The following UGT1A7 variants were observed in gnomAD, a reference collection of about 807,000 sequenced individuals.
The protein encoded by UGT1A7 is UDP-glucuronosyltransferase 1A7.
Under a neutral mutation model 45.6 loss-of-function variants are expected in UGT1A7, and 33 were observed. That is an observed-to-expected ratio of 0.72 (90% CI 0.55 to 0.97). The LOEUF (loss-of-function observed/expected upper bound fraction) is 0.97, where lower values mean the gene tolerates loss of function less well. Ranked by LOEUF, UGT1A7 falls within the 50% of genes least tolerant of loss-of-function variation. The probability of loss-of-function intolerance (pLI) is 0.00; values close to 1 mark genes in which losing one functional copy is unlikely to be tolerated. For missense variants in UGT1A7, 684 were observed against 666.2 expected (o/e 1.03, Z -0.29); for synonymous variants, 274 against 250.6 (o/e 1.09, Z -0.88).
At chr2:233,755,074 C>A in intron 1 of UGT1A7, 1 of 1,336,598 alleles carries the variant, frequency 7.5e-7, no homozygotes, top group Non-Finnish European at 1.0e-6. Flanking sequence ...CCATAGCGGT[C>A]ATAGATATCG....
chr2:233,704,888 CT>C lies in UGT1A7; in HGVS notation c.855+22099del, dbSNP rs1342993074. On this transcript the variant is annotated intron_variant, in intron 1 of 4. Transcript: ENST00000373426. ...GTGGCTCACTCCTGTAATCCCAGCA[CT>C]TTGGAAGGCTGAGGCAGGTGGATCA... Among the ~76,000 whole-genome samples the C allele has an allele frequency of 1.2e-4, 18 of 152,168 alleles. No individual in the cohort carries two copies. The East Asian group carries it at 3.5e-3, about 29-fold the overall frequency.
At chr2:233,724,792 G>T (rs992945436) in intron 1 of UGT1A7, among the ~76,000 whole-genome samples, 1 of 140,672 alleles carries the variant, frequency 7.1e-6, no homozygotes, top group African/African-American at 2.8e-5. Context: ...CTTCCCAGAC[G>T]GGGTGGCGGC....
At chr2:233,763,131 T>C (rs1039292285) in intron 1 of UGT1A7, among the ~76,000 whole-genome samples, 1 of 152,268 alleles carries the variant, frequency 6.6e-6, no homozygotes, top group African/African-American at 2.4e-5. Flanking sequence ...CTGGCATTTA[T>C]TGATATAACC....
rs994298046 is a variant in UGT1A7 at position 233,760,365 on chromosome 2, T to C, written c.856-6669T>C. On this transcript the variant is annotated intron_variant, in intron 1 of 4. Transcript: ENST00000373426. Reference sequence around the variant, plus strand: ...GTGTGCTGGGCCCAGTGGTGTCCCATGCTGGGAAGATACTGTTGATCCCAG... The same window carrying C: ...GTGTGCTGGGCCCAGTGGTGTCCCACGCTGGGAAGATACTGTTGATCCCAG... 21 of 1,614,004 alleles carry C rather than the reference T, an allele frequency of 1.3e-5. No individual in the cohort carries two copies. Among genetic ancestry groups the C allele is most frequent in the Non-Finnish European group, 1.7e-5 (20 of 1,180,006 alleles).
At chr2:233,748,086 G>A (rs1376410311) in intron 1 of UGT1A7, 37 of 1,612,904 alleles carry the variant, frequency 2.3e-5, no homozygotes, top group Non-Finnish European at 2.9e-5. Context: ...TCAGGTCGGT[G>A]TTCGTGCCTT....
chr2:233,757,567 T>TATATATATATATATATA (rs1553619947), intron 1 of UGT1A7, among the ~76,000 whole-genome samples: 5 of 142,918 alleles, frequency 3.5e-5, no homozygotes, highest in Non-Finnish European at 7.6e-5. Context: ...TATATGTATA[T>TATATATATATATATATA]ATGATATAGC....
chr2:233,686,534 C>A (rs1418608941), intron 1 of UGT1A7, among the ~76,000 whole-genome samples: 1 of 152,098 alleles, frequency 6.6e-6, no homozygotes, highest in Non-Finnish European at 1.5e-5. Context: ...TAGAACCTAA[C>A]CTTTCCGTGG....
intron 1 of UGT1A7, among the ~76,000 whole-genome samples, chr2:233,736,665 A>C (rs1163835582): frequency 2.0e-5 from 3 of 152,142 alleles, no homozygotes; most frequent in Non-Finnish European, 4.4e-5. Flanking sequence ...TATGTACCTT[A>C]GGTCTTTGAT....
At chr2:233,688,692 A>T (rs1187476979) in intron 1 of UGT1A7, among the ~76,000 whole-genome samples, 1 of 152,142 alleles carries the variant, frequency 6.6e-6, no homozygotes, top group Non-Finnish European at 1.5e-5. Flanking sequence ...TTAATATTAA[A>T]CGTCCTTCAT....
At chr2:233,729,254 G>T (rs1181621220) in intron 1 of UGT1A7, 6 of 1,614,100 alleles carry the variant, frequency 3.7e-6, no homozygotes, top group Middle Eastern at 1.6e-4. Context: ...CACTGGCTCA[G>T]CATGCGGGAG....
chr2:233,699,781 T>A (rs932467039), intron 1 of UGT1A7, among the ~76,000 whole-genome samples: 1 of 152,210 alleles, frequency 6.6e-6, no homozygotes, highest in Non-Finnish European at 1.5e-5. Context: ...TGTTCCCAAG[T>A]TTCCTCCTCT....
intron 1 of UGT1A7, among the ~76,000 whole-genome samples, chr2:233,684,398 C>T (rs536984968): frequency 6.6e-6 from 1 of 152,230 alleles, no homozygotes; most frequent in Non-Finnish European, 1.5e-5. Context: ...CCAGCCATCA[C>T]TCAGGTATTG....
intron 1 of UGT1A7, among the ~76,000 whole-genome samples, chr2:233,689,163 C>T (rs1201138635): frequency 6.6e-6 from 1 of 152,222 alleles, no homozygotes; most frequent in Non-Finnish European, 1.5e-5. Context: ...AACACCTTAT[C>T]TTCTACTAGG....
intron 1 of UGT1A7, among the ~76,000 whole-genome samples, chr2:233,714,963 A>T (rs1575508656): frequency 6.6e-6 from 1 of 151,772 alleles, no homozygotes; most frequent in South Asian, 2.1e-4. Context: ...TGCAACCTCC[A>T]CCTCCCAGGT....
intron 1 of UGT1A7, among the ~76,000 whole-genome samples, chr2:233,732,442 G>A (rs1257874591): frequency 6.6e-6 from 1 of 152,146 alleles, no homozygotes; most frequent in Non-Finnish European, 1.5e-5. Flanking sequence ...TATGGTTTTA[G>A]GTCTAACATT....
At chr2:233,735,683 G>A (rs909239593) in intron 1 of UGT1A7, among the ~76,000 whole-genome samples, 11 of 152,010 alleles carry the variant, frequency 7.2e-5, no homozygotes, top group African/African-American at 2.7e-4. Context: ...CTTCCTTTAG[G>A]AGCTCTTGTA....
At chr2:233,751,611 G>C (rs1214226831) in intron 1 of UGT1A7, among the ~76,000 whole-genome samples, 1 of 152,166 alleles carries the variant, frequency 6.6e-6, no homozygotes, top group Admixed American at 6.5e-5. Flanking sequence ...CTGGTGGGAG[G>C]TGATTGGATC....
intron 1 of UGT1A7, among the ~76,000 whole-genome samples, chr2:233,758,370 T>C (rs1198211865): frequency 6.6e-6 from 1 of 152,206 alleles, no homozygotes; most frequent in Non-Finnish European, 1.5e-5. Context: ...ATAAAATCAT[T>C]ACAGTGGTGA....
At chr2:233,719,653 G>A (rs759057764) in intron 1 of UGT1A7, 6 of 1,614,078 alleles carry the variant, frequency 3.7e-6, no homozygotes, top group South Asian at 3.3e-5. Flanking sequence ...TTCATTGGGG[G>A]CATCAACTGT....
Sources: gnomAD v4.1 joint callset for allele counts (sites outside exome capture counted in the v4.1 genomes callset) on GRCh38, gnomAD v4.1.1 for gene constraint, MANE v1.5 for transcripts, NCBI Gene and HGNC (gene_info 2026-07-23, HGNC 2026-07-21) for gene names.